Variants in GPR176 observed in about 807,000 individuals in gnomAD.
GPR176 encodes the protein G-protein coupled receptor 176.
GPR176 carries 26 observed loss-of-function variants against 35.4 expected under a neutral mutation model. That is an observed-to-expected ratio of 0.74 (90% CI 0.54 to 1.02). The LOEUF is 1.02. Ranked by LOEUF, GPR176 falls within the 50% of genes least tolerant of loss-of-function variation. The pLI, the probability that GPR176 is intolerant of heterozygous loss-of-function variation, is 0.00. For missense variants in GPR176, 597 were observed against 665.3 expected, an observed-to-expected ratio of 0.90 and a Z score of 1.13; for synonymous variants, 278 against 271.3, an observed-to-expected ratio of 1.02 and a Z score of -0.24.
chr15:39,811,744 G>T (rs373851915), intron 1 of GPR176, among the ~76,000 whole-genome samples: 1 of 151,922 alleles, frequency 6.6e-6, no homozygotes, highest in Non-Finnish European at 1.5e-5. Flanking sequence ...GTGAAACCCC[G>T]TCTCTACTAA....
chr15:39,834,382 T>C (rs1901271059), intron 1 of GPR176, among the ~76,000 whole-genome samples: 2 of 152,140 alleles, frequency 1.3e-5, no homozygotes, highest in Admixed American at 1.3e-4. Context: ...ACAGAACAGA[T>C]TACATCAGAG....
At chr15:39,817,244 T>C (rs768128626) in intron 1 of GPR176, among the ~76,000 whole-genome samples, 72 of 152,186 alleles carry the variant, frequency 4.7e-4, no homozygotes, top group Non-Finnish European at 7.9e-4. Flanking sequence ...AGTGAAAGCA[T>C]TCCTGAATAT....
At chr15:39,825,210 A>G (rs1327685712) in intron 1 of GPR176, among the ~76,000 whole-genome samples, 1 of 152,194 alleles carries the variant, frequency 6.6e-6, no homozygotes, top group Non-Finnish European at 1.5e-5. Flanking sequence ...TCAAAAAAAG[A>G]AAAAAGGTTT....
intron 1 of GPR176, among the ~76,000 whole-genome samples, chr15:39,858,458 G>A (rs2031387303): frequency 2.0e-5 from 3 of 152,160 alleles, no homozygotes; most frequent in Admixed American, 6.5e-5. Context: ...GCTCATGCCT[G>A]TAATTTCAGC....
At chr15:39,916,868 G>A (rs2033739314) in intron 1 of GPR176, among the ~76,000 whole-genome samples, 1 of 151,992 alleles carries the variant, frequency 6.6e-6, no homozygotes, top group African/African-American at 2.4e-5. Flanking sequence ...TTCTTGCCTT[G>A]CTTCTGACTG....
intron 1 of GPR176, among the ~76,000 whole-genome samples, chr15:39,878,472 TTG>T (rs3066143): frequency 0.19 from 27,536 of 148,028 alleles, 2,568 homozygotes; most frequent in Non-Finnish European, 0.21. Context: ...CAAATAATAT[TTG>T]TGTGTGTGTG....
rs373134849 is a variant in GPR176 at position 39,801,084 on chromosome 15, G to T, written c.*48C>A. Reference sequence around the variant, plus strand: ...ATGGCCACAGCATTCCCACACTCTGGTGGGAATATGGAAGCTCCCCGTTGC... The same window carrying T: ...ATGGCCACAGCATTCCCACACTCTGTTGGGAATATGGAAGCTCCCCGTTGC... On this transcript the variant is annotated 3_prime_UTR_variant, in exon 3 of 3. Transcript: ENST00000561100. 3 of 1,497,590 alleles carry T rather than the reference G, an allele frequency of 2.0e-6. No homozygotes were observed. The highest frequency in any genetic ancestry group is 2.7e-6 in the Non-Finnish European group (3 of 1,103,568). 92.8% of individuals were successfully genotyped at this position (1,497,590 alleles called of 1,614,324 possible).
chr15:39,831,043 T>C (rs1901045069), intron 1 of GPR176, among the ~76,000 whole-genome samples: 1 of 152,194 alleles, frequency 6.6e-6, no homozygotes, highest in Admixed American at 6.5e-5. Flanking sequence ...TTTAGAGTCA[T>C]TAAAAATGGA....
chr15:39,861,294 G>T (rs1377130554), intron 1 of GPR176, among the ~76,000 whole-genome samples: 1 of 152,148 alleles, frequency 6.6e-6, no homozygotes, highest in Non-Finnish European at 1.5e-5. Flanking sequence ...GCTCACACCT[G>T]TAATCCCAGC....
rs547493954 is a variant in GPR176 at position 39,836,806 on chromosome 15, C to T, written c.173-29548G>A. ...AATTAGTTCTGGAAATGTCCTTGTT[C>T]TTTGAGTCAAAAACAGTACTTGGCA... is the stretch of plus-strand genomic sequence containing the variant. On this transcript the variant is annotated intron_variant, in intron 1 of 2. Coordinates refer to ENST00000561100, the MANE Select transcript of GPR176 (RefSeq NM_007223.3). 2.0e-5 allele frequency among the ~76,000 whole-genome samples: 3 copies of T among 152,242 alleles called. No individual in the cohort carries two copies. The East Asian group carries it at 5.8e-4, about 29-fold the overall frequency.
chr15:39,870,177 T>C (rs1394799503), intron 1 of GPR176, among the ~76,000 whole-genome samples: 1 of 152,076 alleles, frequency 6.6e-6, no homozygotes, highest in Non-Finnish European at 1.5e-5. Context: ...TAGTCAAATC[T>C]CCCTCCCTGT....
chr15:39,884,754 C>A (rs886864654), intron 1 of GPR176, among the ~76,000 whole-genome samples: 1 of 152,134 alleles, frequency 6.6e-6, no homozygotes, highest in South Asian at 2.1e-4. Flanking sequence ...TTCATTTTTA[C>A]CAGGAAAAAT....
chr15:39,903,865 C>T (rs932105124), intron 1 of GPR176, among the ~76,000 whole-genome samples: 1 of 152,066 alleles, frequency 6.6e-6, no homozygotes, highest in African/African-American at 2.4e-5. Context: ...CAGGACGAAT[C>T]CCATAGGGTG....
At chr15:39,871,662 G>A (rs760439554) in intron 1 of GPR176, among the ~76,000 whole-genome samples, 3 of 152,016 alleles carry the variant, frequency 2.0e-5, no homozygotes, top group Admixed American at 6.6e-5. Context: ...GTTCCTCACC[G>A]CTGTATGGCT....
chr15:39,919,712 AC>A, intron 1 of GPR176, 142 bp downstream of exon 1: 1 of 496,966 alleles, frequency 2.0e-6, no homozygotes, highest in Non-Finnish European at 3.4e-6. Context: ...CACTGCAGCT[AC>A]CCGGGATCCT....
intron 1 of GPR176, chr15:39,807,496 T>A: frequency 7.4e-7 from 1 of 1,358,726 alleles, no homozygotes; most frequent in Non-Finnish European, 9.8e-7. Flanking sequence ...TTTCTCTATT[T>A]AATTTTGGGC....
chr15:39,919,150 C>T (rs899057285), intron 1 of GPR176, among the ~76,000 whole-genome samples: 3 of 152,214 alleles, frequency 2.0e-5, no homozygotes, highest in Admixed American at 6.5e-5. Context: ...TTACTAGCCA[C>T]TCATTTTAAT....
chr15:39,906,058 G>T (rs576077987), intron 1 of GPR176, among the ~76,000 whole-genome samples: 120 of 152,238 alleles, frequency 7.9e-4, no homozygotes, highest in African/African-American at 2.8e-3. Flanking sequence ...AAAGTAAAAA[G>T]TTCAGTTTTT....
At chr15:39,836,831 A>C (rs1901426897) in intron 1 of GPR176, among the ~76,000 whole-genome samples, 1 of 152,158 alleles carries the variant, frequency 6.6e-6, no homozygotes, top group Non-Finnish European at 1.5e-5. Context: ...AGTACTTGGC[A>C]CATGGAGATG....
Sources: allele counts gnomAD v4.1 joint callset (sites outside exome capture counted in the v4.1 genomes callset), GRCh38; gene constraint gnomAD v4.1.1; transcripts MANE v1.5; gene names NCBI Gene and HGNC (gene_info 2026-07-23, HGNC 2026-07-21).